AGAP1: variants seen among roughly 807,000 people sequenced by gnomAD.
AGAP1 encodes ArfGAP with GTPase domain, ankyrin repeat and PH domain 1.
Under a neutral mutation model 105.3 loss-of-function variants are expected in AGAP1, and 29 were observed. That is an observed-to-expected ratio of 0.28 (90% CI 0.21 to 0.38). The LOEUF (loss-of-function observed/expected upper bound fraction) is 0.38. AGAP1 is among the 10% of genes least tolerant of loss of function. The probability of loss-of-function intolerance (pLI) is 1.00; values close to 1 mark genes in which losing one functional copy is unlikely to be tolerated. For missense variants in AGAP1, 998 were observed against 1,165.1 expected (o/e 0.86, Z 2.09); for synonymous variants, 509 against 485.9 (o/e 1.05, Z -0.63).
At chr2:235,658,505 G>GGGTC (rs892208846) in intron 1 of AGAP1, among the ~76,000 whole-genome samples, 19 of 152,134 alleles carry the variant, frequency 1.2e-4, no homozygotes, top group African/African-American at 3.9e-4. Flanking sequence ...AGCCTCCCGG[G>GGGTC]GGTCGAGGTC....
intron 1 of AGAP1, among the ~76,000 whole-genome samples, chr2:235,521,738 ATATATGTGTGTGTG>A (rs756960385): frequency 0.043 from 4,992 of 116,706 alleles, 132 homozygotes; most frequent in Middle Eastern, 0.17. Context: ...TGTTTGTTAT[ATATATGTGTGTGTG>A]TGTGTGTGTG....
rs529923051 is a variant in AGAP1, at chr2:236,009,016, G to T, written c.1646-27545G>T. ...GTCCTATATATTTGCTTGGCCTCGG[G>T]TTTTGTTTAATCCCTTCAAAGGCCC... On this transcript the variant is annotated intron_variant, in intron 13 of 17. Transcript: ENST00000304032. This position sits in a 1 kb window ranked among gnomAD's most constrained non-coding sequence, Gnocchi z 4.2. 6.6e-6 allele frequency among the ~76,000 whole-genome samples: 1 copy of T among 152,268 alleles called. No individual in the cohort carries two copies. The highest frequency in any genetic ancestry group is 1.5e-5 in the Non-Finnish European group (1 of 68,024).
At chr2:235,924,946 C>G (rs1399036656) in intron 11 of AGAP1, among the ~76,000 whole-genome samples, 3 of 114,026 alleles carry the variant, frequency 2.6e-5, no homozygotes, top group African/African-American at 1.4e-4. Flanking sequence ...TGTCCACACC[C>G]AGAGGAAGAA....
rs762078185 is a variant in AGAP1, at chr2:236,042,384, A to G, written c.1891+1543A>G. Among the ~76,000 whole-genome samples, 10 of 152,196 alleles carry G rather than the reference A, an allele frequency of 6.6e-5. No homozygotes were observed. Among genetic ancestry groups the G allele is most frequent in the Admixed American group, 3.3e-4 (5 of 15,276 alleles). ...TGAGGGAAGGGGTTCTTCTCCAGGTATCTTGAGGTTCTTCTTTAAAGTACC... is the reference window on the plus strand; with the variant it reads ...TGAGGGAAGGGGTTCTTCTCCAGGTGTCTTGAGGTTCTTCTTTAAAGTACC... On this transcript the variant is annotated intron_variant, in intron 15 of 17. Transcript: ENST00000304032. This position sits in a 1 kb window ranked among gnomAD's most constrained non-coding sequence, Gnocchi z 5.6.
Position 235,569,316 on chromosome 2 carries a change from A to G in AGAP1, c.163+74467A>G, listed in dbSNP as rs541250400. ...GGCGACAGAGCGAGACACCATCTCAAAAAAAAGGATCTTGGAGGAAGTACA... is the reference window on the plus strand; with the variant it reads ...GGCGACAGAGCGAGACACCATCTCAGAAAAAAGGATCTTGGAGGAAGTACA... On this transcript the variant is annotated intron_variant, in intron 1 of 17. Transcript: ENST00000304032. The surrounding 1 kb of genome is among the most constrained non-coding windows in gnomAD (Gnocchi z 5.9). Among the ~76,000 whole-genome samples, 1 of 152,072 alleles carries G rather than the reference A, an allele frequency of 6.6e-6. No homozygotes were observed. Among genetic ancestry groups the G allele is most frequent in the African/African-American group, 2.4e-5 (1 of 41,410 alleles).
At position 236,029,946 on chromosome 2, in the gene AGAP1, C is replaced by T. The variant is rs116036910; in HGVS notation, c.1646-6615C>T. On this transcript the variant is annotated intron_variant, in intron 13 of 17. Coordinates refer to ENST00000304032, the MANE Select transcript of AGAP1 (RefSeq NM_001037131.3). The stretch of plus-strand genomic sequence containing the variant: ...TAGAGATGAGGTCTCACTGTGTTGC[C>T]CAGACCAGTCTTGAACTCCTGGGCT... Among the ~76,000 whole-genome samples, 726 of 152,134 alleles carry T rather than the reference C, an allele frequency of 4.8e-3. 6 individuals are homozygous for T. The highest frequency in any genetic ancestry group is 0.017 in the African/African-American group (694 of 41,492).
At chr2:235,798,870 CAAA>C (rs1041317180) in intron 7 of AGAP1, among the ~76,000 whole-genome samples, 4 of 49,014 alleles carry the variant, frequency 8.2e-5, no homozygotes, top group Admixed American at 2.1e-4. Context: ...GACCCTGTCT[CAAA>C]AAAAAAAAAA....
intron 13 of AGAP1, among the ~76,000 whole-genome samples, chr2:235,990,582 G>T (rs1294770847): frequency 6.6e-6 from 1 of 152,180 alleles, no homozygotes; most frequent in East Asian, 1.9e-4. Context: ...TGGTGGCTGG[G>T]TTCCAAGGGC....
intron 9 of AGAP1, among the ~76,000 whole-genome samples, chr2:235,837,090 A>C (rs1213626681): frequency 1.3e-5 from 2 of 152,130 alleles, no homozygotes; most frequent in African/African-American, 4.8e-5. Flanking sequence ...GGTTCAAGAG[A>C]TTCTCCTGCC....
In AGAP1 at chr2:235,988,234, G is replaced by A. The variant is rs750562115; in HGVS notation, c.1645+19611G>A. 1.7e-4 allele frequency among the ~76,000 whole-genome samples: 26 copies of A among 152,078 alleles called. No individual in the cohort carries two copies. The highest frequency in any genetic ancestry group is 3.7e-4 in the Non-Finnish European group (25 of 68,026). ...ATTTTTGTGTTTTTAGTAGAGACAG[G>A]GCTTCACCCTGTTGGCCAGGCTGGT... On this transcript the variant is annotated intron_variant, in intron 13 of 17. Transcript: ENST00000304032. The surrounding 1 kb of genome is among the most constrained non-coding windows in gnomAD (Gnocchi z 4.7).
At chr2:235,594,725 C>G (rs961245336) in intron 1 of AGAP1, among the ~76,000 whole-genome samples, 1 of 151,864 alleles carries the variant, frequency 6.6e-6, no homozygotes, top group Non-Finnish European at 1.5e-5. Flanking sequence ...ATGCATGCCA[C>G]CACACCCAGC....
chr2:235,869,173 C>T (rs910638666), intron 9 of AGAP1, among the ~76,000 whole-genome samples: 2 of 152,030 alleles, frequency 1.3e-5, no homozygotes, highest in Non-Finnish European at 2.9e-5. Context: ...AGCATAGCAG[C>T]GGGGTAACAA....
At chr2:235,840,652 G>C (rs1339939753) in intron 9 of AGAP1, among the ~76,000 whole-genome samples, 1 of 152,192 alleles carries the variant, frequency 6.6e-6, no homozygotes, top group East Asian at 1.9e-4. Flanking sequence ...TGGGCTCTCA[G>C]AGTTGGGGGC....
rs1312559610 is a variant in AGAP1, at chr2:236,089,348, G to T, written c.2115-30844G>T. Among the ~76,000 whole-genome samples the T allele has an allele frequency of 6.6e-6, 1 of 152,238 alleles. No homozygotes were observed. Among genetic ancestry groups the T allele is most frequent in the Non-Finnish European group, 1.5e-5 (1 of 68,046 alleles). On this transcript the variant is annotated intron_variant, in intron 16 of 17. Coordinates refer to ENST00000304032, the MANE Select transcript of AGAP1 (RefSeq NM_001037131.3). The surrounding 1 kb of genome is among the most constrained non-coding windows in gnomAD (Gnocchi z 5.6). ...TTGCTCTTCCGTAAAGGACACATGT[G>T]TCTCTGTGCCTCTCAGTCTCCCAGT...
rs151041124 is a variant in AGAP1 at position 235,587,424 on chromosome 2, T to C, written c.163+92575T>C. The stretch of plus-strand genomic sequence containing the variant: ...GGGATGCTCACCATGTGCTGGGTGC[T>C]GTTTGAAGGACCGGAAATGCATCAT... On this transcript the variant is annotated intron_variant, in intron 1 of 17. Coordinates refer to ENST00000304032, the MANE Select transcript of AGAP1 (RefSeq NM_001037131.3). Among the ~76,000 whole-genome samples, 5 of 152,276 alleles carry C rather than the reference T, an allele frequency of 3.3e-5. No homozygotes were observed. The East Asian group carries it at 9.7e-4, about 29-fold the overall frequency.
chr2:235,526,754 G>A (rs1263361022), intron 1 of AGAP1, among the ~76,000 whole-genome samples: 3 of 152,188 alleles, frequency 2.0e-5, no homozygotes, highest in Non-Finnish European at 4.4e-5. Flanking sequence ...GCCACCCTGA[G>A]TTTGGAAATT....
In AGAP1 at chr2:235,931,174, T is replaced by C. The variant is rs1440376591; in HGVS notation, c.1483+251T>C. On this transcript the variant is annotated intron_variant, in intron 12 of 17. Transcript: ENST00000304032. The surrounding 1 kb of genome is among the most constrained non-coding windows in gnomAD (Gnocchi z 5.6). ...GGAGGTAGTCATCCCATTTGGTCAG[T>C]TTGGAAACTGAGGCGGCAGACAGGG... Among the ~76,000 whole-genome samples, 2 of 152,126 alleles carry C rather than the reference T, an allele frequency of 1.3e-5. No homozygotes were observed. Among genetic ancestry groups the C allele is most frequent in the East Asian group, 3.9e-4 (2 of 5,174 alleles).
At chr2:235,515,024 C>G (rs928100822) in intron 1 of AGAP1, among the ~76,000 whole-genome samples, 1 of 152,110 alleles carries the variant, frequency 6.6e-6, no homozygotes, top group East Asian at 1.9e-4. Flanking sequence ...TTGGGAGTTG[C>G]CATCAGAATT....
intron 1 of AGAP1, among the ~76,000 whole-genome samples, chr2:235,669,394 G>A (rs1948241344): frequency 6.6e-6 from 1 of 152,108 alleles, no homozygotes; most frequent in South Asian, 2.1e-4. Flanking sequence ...GCCCCAGAGT[G>A]GGCGTGGTTT....
Sources: allele counts gnomAD v4.1 joint callset (sites outside exome capture counted in the v4.1 genomes callset), GRCh38; gene constraint gnomAD v4.1.1; non-coding constraint Gnocchi (gnomAD v3.1); transcripts MANE v1.5; gene names NCBI Gene and HGNC (gene_info 2026-07-23, HGNC 2026-07-21).